Variants in NRP1 observed in about 807,000 individuals in gnomAD.
NRP1 encodes neuropilin 1, also known as neuropilin-1.
In NRP1, 35 loss-of-function variants were observed where a neutral mutation model predicts 106.7. The ratio of observed to expected loss-of-function variants is 0.33; its 90% CI spans 0.25 to 0.43. The LOEUF is 0.43. Ranked by LOEUF, NRP1 falls within the 20% of genes least tolerant of loss-of-function variation. The probability of loss-of-function intolerance (pLI) is 1.00; values close to 1 mark genes in which losing one functional copy is unlikely to be tolerated. For synonymous variants in NRP1, 437 were observed against 417.9 expected (o/e 1.05, Z -0.56); for missense variants, 1,024 against 1,170.4 (o/e 0.87, Z 1.83).
intron 9 of NRP1, among the ~76,000 whole-genome samples, chr10:33,210,172 C>T (rs1489404040): frequency 6.6e-6 from 1 of 151,654 alleles, no homozygotes; most frequent in Non-Finnish European, 1.5e-5. Flanking sequence ...TATAGGCCTG[C>T]CTCTTCCAAT....
chr10:33,318,993 CT>C (rs1432819972), intron 2 of NRP1, among the ~76,000 whole-genome samples: 28 of 132,856 alleles, frequency 2.1e-4, no homozygotes, highest in African/African-American at 7.1e-4. Context: ...GAGAACTTTT[CT>C]TTTCTTTCTT....
rs757868694 is a variant in NRP1, at chr10:33,254,212, G to A, written c.815-18C>T. 8 of 1,588,410 alleles carry A rather than the reference G, an allele frequency of 5.0e-6. No individual in the cohort carries two copies. In the African/African-American group the frequency reaches 9.5e-5, roughly 19 times the overall value. The stretch of plus-strand genomic sequence containing the variant: ...TTTGAAATCTGAAGGGAAAAACAGG[G>A]CCCACAGTCATCAAAATATAGGGGA... On this transcript the variant is annotated intron_variant, in intron 5 of 16. Transcript: ENST00000374867.
At chr10:33,219,969 T>C (rs1418216761) in intron 8 of NRP1, among the ~76,000 whole-genome samples, 1 of 152,244 alleles carries the variant, frequency 6.6e-6, no homozygotes, top group Non-Finnish European at 1.5e-5. Flanking sequence ...ATCTAACTGC[T>C]GATCAAAAAT....
rs552455562 is a variant in NRP1 at position 33,232,563 on chromosome 10, G to A, written c.982-6274C>T. Among the ~76,000 whole-genome samples, 63 of 151,140 alleles carry A rather than the reference G, an allele frequency of 4.2e-4. 1 individual carries two copies. Among genetic ancestry groups the A allele is most frequent in the South Asian group, 3.8e-3 (18 of 4,768 alleles). On this transcript the variant is annotated intron_variant, in intron 6 of 16. Transcript: ENST00000374867. ...CAAACATAAACATCTGGTATTTATC[G>A]ATGGCATGTAGGCTATTTTACAGAA...
intron 4 of NRP1, 72 bp downstream of exon 4, chr10:33,263,574 A>T: frequency 2.7e-6 from 3 of 1,108,276 alleles, no homozygotes; most frequent in Non-Finnish European, 4.0e-6. Flanking sequence ...ATGTATCATG[A>T]GACTTGTAAA....
At position 33,199,367 on chromosome 10, in the gene NRP1, CTATATATATA is replaced by C. The variant is rs1413431395; in HGVS notation, c.1865-1668_1865-1659del. Among the ~76,000 whole-genome samples, 226 of 54,278 alleles carry C rather than the reference CTATATATATA, an allele frequency of 4.2e-3. 10 individuals carry two copies. The highest frequency in any genetic ancestry group is 0.012 in the South Asian group (14 of 1,210). 35.6% of individuals were successfully genotyped at this position (54,278 alleles called of 152,430 possible). A position where few individuals can be genotyped will look rare whatever the true frequency, so the allele number is the denominator to read the frequency against. The stretch of plus-strand genomic sequence containing the variant: ...GTGCGCCACCATGCCTGGCTGTTTT[CTATATATATA>C]TATATATATATATTTTTTTTTTTTT... On this transcript the variant is annotated intron_variant, in intron 11 of 16. Transcript: ENST00000374867.
Position 33,202,933 on chromosome 10 carries a change from C to T in NRP1, c.1822G>A (p.Ala608Thr), listed in dbSNP as rs1837456458. 24 of 1,614,174 alleles carry T rather than the reference C, an allele frequency of 1.5e-5. No homozygotes were observed. The highest frequency in any genetic ancestry group is 1.9e-5 in the Non-Finnish European group (23 of 1,180,026). The change falls in exon 11 of 17, where the codon GCC (alanine) becomes ACC (threonine). Residue 608 changes from alanine to threonine, a missense_variant. Physicochemically the swap from Ala to Thr is moderately conservative, Grantham distance 58. Around this residue, in one of 5 missense-constraint regions of NRP1, gnomAD observed 562 missense variants for 620.3 expected, o/e 0.91. Coordinates refer to ENST00000374867, the MANE Select transcript of NRP1 (RefSeq NM_003873.7). ...TCACCTGTTCCACTGTGGCAGTTGGCCTGGTCGTCATCACATTCATCCACC... is the reference window on the plus strand; with the variant it reads ...TCACCTGTTCCACTGTGGCAGTTGGTCTGGTCGTCATCACATTCATCCACC... ...NLVDECDDDQANCHSGTGDDF... is the reference protein window; with the variant it reads ...NLVDECDDDQTNCHSGTGDDF...
intron 12 of NRP1, among the ~76,000 whole-genome samples, chr10:33,193,016 A>G (rs1836522160): frequency 6.6e-6 from 1 of 152,116 alleles, no homozygotes; most frequent in Admixed American, 6.5e-5. Context: ...TAATTTAAGT[A>G]TAAATTTCTG....
chr10:33,192,174 T>C, intron 13 of NRP1, 107 bp downstream of exon 13: 1 of 1,259,404 alleles, frequency 7.9e-7, no homozygotes, highest in Non-Finnish European at 1.1e-6. Context: ...CCTGTAGTAA[T>C]TCCTACCCGC....
intron 12 of NRP1, 105 bp downstream of exon 12, chr10:33,197,545 G>T: frequency 1.3e-6 from 1 of 751,520 alleles, no homozygotes; most frequent in Non-Finnish European, 2.1e-6. Context: ...ATGCTGTGTG[G>T]CATCTCTCCT....
chr10:33,323,031 A>T (rs1293026430), intron 2 of NRP1, among the ~76,000 whole-genome samples: 1 of 152,144 alleles, frequency 6.6e-6, no homozygotes, highest in Non-Finnish European at 1.5e-5. Flanking sequence ...GAGAAAAGTG[A>T]GTGCTCATCC....
rs5784334 is a variant in NRP1 at position 33,323,241 on chromosome 10, C to CAA, written c.248+7465_248+7466dup. Among the ~76,000 whole-genome samples the CAA allele has an allele frequency of 3.9e-3, 586 of 150,472 alleles. 3 individuals are homozygous for CAA. The highest frequency in any genetic ancestry group is 6.8e-3 in the Middle Eastern group (2 of 292). On this transcript the variant is annotated intron_variant, in intron 2 of 16. Coordinates refer to ENST00000374867, the MANE Select transcript of NRP1 (RefSeq NM_003873.7). ...TAAATAAATAAATAAATATGTTTTT[C>CAA]AAAAAAAAACCAGTCATAATTATTC...
At chr10:33,253,325 G>A (rs1176108810) in intron 6 of NRP1, among the ~76,000 whole-genome samples, 1 of 152,174 alleles carries the variant, frequency 6.6e-6, no homozygotes, top group Non-Finnish European at 1.5e-5. Context: ...CAGCGGTGGG[G>A]ATGTGGGGCA....
intron 3 of NRP1, among the ~76,000 whole-genome samples, chr10:33,265,326 T>G (rs1315448089): frequency 6.6e-6 from 1 of 152,188 alleles, no homozygotes; most frequent in Non-Finnish European, 1.5e-5. Context: ...ACTCTTTTCC[T>G]GCATCATTTT....
intron 10 of NRP1, among the ~76,000 whole-genome samples, 155 bp downstream of exon 10, chr10:33,207,417 T>G (rs1460125049): frequency 6.6e-6 from 1 of 151,902 alleles, no homozygotes; most frequent in Non-Finnish European, 1.5e-5. Context: ...GTGACCTGTG[T>G]CAGAGCTTTG....
intron 6 of NRP1, among the ~76,000 whole-genome samples, chr10:33,244,837 T>TA (rs1841300796): frequency 6.6e-6 from 1 of 152,236 alleles, no homozygotes; most frequent in Non-Finnish European, 1.5e-5. Flanking sequence ...GTCAAAGAGC[T>TA]AATTTCAGTC....
chr10:33,289,761 A>G (rs1456906442), intron 2 of NRP1, among the ~76,000 whole-genome samples: 2 of 152,202 alleles, frequency 1.3e-5, no homozygotes, highest in Non-Finnish European at 2.9e-5. Context: ...TCAATTAGGC[A>G]CCAAGCATCA....
At chr10:33,299,661 T>C (rs1023370870) in intron 2 of NRP1, among the ~76,000 whole-genome samples, 7 of 152,118 alleles carry the variant, frequency 4.6e-5, no homozygotes, top group Non-Finnish European at 8.8e-5. Context: ...TGGCACGCAC[T>C]TGTGGTCCCA....
At chr10:33,213,996 C>T (rs547909525) in intron 8 of NRP1, among the ~76,000 whole-genome samples, 2 of 152,286 alleles carry the variant, frequency 1.3e-5, no homozygotes, top group East Asian at 3.9e-4. Flanking sequence ...ATTCATATTT[C>T]AGTCTCTTTG....
Sources: allele counts gnomAD v4.1 joint callset (sites outside exome capture counted in the v4.1 genomes callset), GRCh38; gene constraint gnomAD v4.1.1; regional missense constraint gnomAD v4.1.1; transcripts MANE v1.5; gene names NCBI Gene and HGNC (gene_info 2026-07-23, HGNC 2026-07-21).